DAZAP1: variants seen among roughly 807,000 people sequenced by gnomAD.
The protein encoded by DAZAP1 is DAZ-associated protein 1.
Under a neutral mutation model 60.1 loss-of-function variants are expected in DAZAP1, and 6 were observed. That is an observed-to-expected ratio of 0.10 (90% CI 0.05 to 0.20). DAZAP1 has a LOEUF of 0.20. Ranked by LOEUF, DAZAP1 falls within the 10% of genes least tolerant of loss-of-function variation. The probability of loss-of-function intolerance (pLI) is 1.00; values close to 1 mark genes in which losing one functional copy is unlikely to be tolerated. For missense variants in DAZAP1, 366 were observed against 560.4 expected, an observed-to-expected ratio of 0.65 and a Z score of 3.50; for synonymous variants, 235 against 215.9, an observed-to-expected ratio of 1.09 and a Z score of -0.78.
intron 8 of DAZAP1, among the ~76,000 whole-genome samples, chr19:1,429,304 G>A (rs542546888): frequency 8.5e-5 from 13 of 152,352 alleles, no homozygotes; most frequent in African/African-American, 2.9e-4. Flanking sequence ...GTCTGAGCAC[G>A]AAACCCTGAG....
At position 1,433,825 on chromosome 19, in the gene DAZAP1, T is replaced by G; in HGVS notation, c.1049-912T>G. The stretch of plus-strand genomic sequence containing the variant: ...GGTCAGGCTGAGCAGTGATGTGGCC[T>G]AGGTAGGTGCCGCCTCCTTCTCCAG... On this transcript the variant is annotated intron_variant, in intron 11 of 11. Transcript: ENST00000233078. The surrounding 1 kb of genome is among the most constrained non-coding windows in gnomAD (Gnocchi z 6.1). The G allele has an allele frequency of 6.2e-7, 1 of 1,613,586 alleles. No individual in the cohort carries two copies. The highest frequency in any genetic ancestry group is 8.5e-7 in the Non-Finnish European group (1 of 1,179,622).
chr19:1,430,245 G>A lies in DAZAP1; in HGVS notation c.754G>A (p.Gly252Arg). The change falls in exon 10 of 12, where the codon GGA (glycine) becomes AGA (arginine). Residue 252 changes from glycine (G) to arginine (R), a missense_variant. Coordinates refer to ENST00000233078, the MANE Select transcript of DAZAP1 (RefSeq NM_018959.4). ...AIGGYGPPPAGRGAPPPPPPF... is the reference protein window; with the variant it reads ...AIGGYGPPPARRGAPPPPPPF... ...AGGTGGCTATGGACCGCCCCCTGCA[G>A]GAAGAGGAGCCCCCCCGCCACCCCC... The A allele has an allele frequency of 6.5e-7, 1 of 1,537,064 alleles. No individual in the cohort carries two copies. Among genetic ancestry groups the A allele is most frequent in the Non-Finnish European group, 8.8e-7 (1 of 1,131,470 alleles).
chr19:1,417,801 C>T (rs558143982), intron 2 of DAZAP1, among the ~76,000 whole-genome samples: 1 of 152,284 alleles, frequency 6.6e-6, no homozygotes, highest in East Asian at 1.9e-4. Context: ...AGGCAGACAG[C>T]TGTTGTCTGG....
Position 1,428,702 on chromosome 19 carries a change from T to G in DAZAP1, c.547-140T>G. The G allele has an allele frequency of 9.5e-7, 1 of 1,054,642 alleles. No homozygotes were observed. Among genetic ancestry groups the G allele is most frequent in the Admixed American group, 2.6e-5 (1 of 37,756 alleles). The allele number at this position is 1,054,642 out of a possible 1,614,324, so 65.3% of individuals were successfully genotyped here. ...TTTTAAGAAAAAAATGCTACTGGCC[T>G]AAATAAGGTTTATAGTTAAGTATTT... On this transcript the variant is annotated intron_variant, in intron 7 of 11. Coordinates refer to ENST00000233078, the MANE Select transcript of DAZAP1 (RefSeq NM_018959.4). The surrounding 1 kb of genome is among the most constrained non-coding windows in gnomAD (Gnocchi z 4.0).
rs375781035 is a variant in DAZAP1 at position 1,434,921 on chromosome 19, G to T, written c.*9G>T. On this transcript the variant is annotated 3_prime_UTR_variant, in exon 12 of 12. Coordinates refer to ENST00000233078, the MANE Select transcript of DAZAP1 (RefSeq NM_018959.4). The surrounding 1 kb of genome is among the most constrained non-coding windows in gnomAD (Gnocchi z 8.0). ...ACCCCTACCGACGCTAGCCCGCGGC[G>T]CCGCGACGTCTGCACGGCCCAGACC... 9 of 1,412,470 alleles carry T rather than the reference G, an allele frequency of 6.4e-6. No individual in the cohort carries two copies. Among genetic ancestry groups the T allele is most frequent in the Non-Finnish European group, 8.3e-6 (9 of 1,078,166 alleles). The allele number at this position is 1,412,470 out of a possible 1,614,324, so 87.5% of individuals were successfully genotyped here.
chr19:1,411,916 TCCCC>T (rs2082841943), intron 1 of DAZAP1, among the ~76,000 whole-genome samples: 1 of 152,212 alleles, frequency 6.6e-6, no homozygotes, highest in African/African-American at 2.4e-5. Flanking sequence ...CCAGGCCTGG[TCCCC>T]GTGACACCAT....
intron 1 of DAZAP1, among the ~76,000 whole-genome samples, chr19:1,409,335 C>T (rs1001629921): frequency 6.6e-6 from 1 of 152,162 alleles, no homozygotes; most frequent in Non-Finnish European, 1.5e-5. Context: ...TGAACGTGGG[C>T]CCGCTCCACC....
In DAZAP1 at chr19:1,433,327, C is replaced by A. The variant is rs750838923; in HGVS notation, c.1048+637C>A. 8.0e-6 allele frequency: 2 copies of A among 249,956 alleles called. No individual in the cohort carries two copies. The highest frequency in any genetic ancestry group is 1.6e-5 in the Non-Finnish European group (2 of 125,104). 15.5% of individuals were successfully genotyped at this position (249,956 alleles called of 1,614,324 possible). On this transcript the variant is annotated intron_variant, in intron 11 of 11. Transcript: ENST00000233078. The surrounding 1 kb of genome is among the most constrained non-coding windows in gnomAD (Gnocchi z 6.1). ...TCACAGCAGCCTTGCTCAGGACCAACGCGGTGGCCTCAGTGGGCAGGGCTC... is the reference window on the plus strand; with the variant it reads ...TCACAGCAGCCTTGCTCAGGACCAAAGCGGTGGCCTCAGTGGGCAGGGCTC...
chr19:1,411,724 A>G lies in DAZAP1; in HGVS notation c.29+3922A>G, dbSNP rs142850105. Among the ~76,000 whole-genome samples the G allele has an allele frequency of 4.6e-3, 708 of 152,356 alleles. 6 individuals carry two copies. The highest frequency in any genetic ancestry group is 0.016 in the African/African-American group (678 of 41,582). On this transcript the variant is annotated intron_variant, in intron 1 of 11. Transcript: ENST00000233078. ...TTGGCTTTGCCAGAGAGACTGAGGC[A>G]CAGAGGAGTTGAGGGATGGGCCCGG...
Position 1,425,614 on chromosome 19 carries a change from G to C in DAZAP1, c.464-264G>C, listed in dbSNP as rs950100275. Among the ~76,000 whole-genome samples the C allele has an allele frequency of 6.6e-6, 1 of 152,192 alleles. No homozygotes were observed. Among genetic ancestry groups the C allele is most frequent in the African/African-American group, 2.4e-5 (1 of 41,440 alleles). Reference sequence around the variant, plus strand: ...TCTTTGTGACACGGAGCCCCAGCCCGGGGTGTCTGGGGCGGAGGCTTGACT... The same window carrying C: ...TCTTTGTGACACGGAGCCCCAGCCCCGGGTGTCTGGGGCGGAGGCTTGACT... On this transcript the variant is annotated intron_variant, in intron 6 of 11. Coordinates refer to ENST00000233078, the MANE Select transcript of DAZAP1 (RefSeq NM_018959.4). This position sits in a 1 kb window ranked among gnomAD's most constrained non-coding sequence, Gnocchi z 5.4.
At position 1,423,189 on chromosome 19, in the gene DAZAP1, G is replaced by A. The variant is rs919577441; in HGVS notation, c.463+793G>A. Among the ~76,000 whole-genome samples the A allele has an allele frequency of 5.3e-5, 8 of 152,216 alleles. No homozygotes were observed. Among genetic ancestry groups the A allele is most frequent in the African/African-American group, 1.9e-4 (8 of 41,452 alleles). On this transcript the variant is annotated intron_variant, in intron 6 of 11. Transcript: ENST00000233078. The surrounding 1 kb of genome is among the most constrained non-coding windows in gnomAD (Gnocchi z 6.8). ...GCAGCCCCGAGCGCCAGGTGGCGCCGCAGCATGCCCACCATGCTGGAGCAT... is the reference window on the plus strand; with the variant it reads ...GCAGCCCCGAGCGCCAGGTGGCGCCACAGCATGCCCACCATGCTGGAGCAT...
chr19:1,428,722 G>T lies in DAZAP1; in HGVS notation c.547-120G>T. The stretch of plus-strand genomic sequence containing the variant: ...TGGCCTAAATAAGGTTTATAGTTAA[G>T]TATTTAGTCTTAAGTTGTAAGATGC... On this transcript the variant is annotated intron_variant, in intron 7 of 11. Coordinates refer to ENST00000233078, the MANE Select transcript of DAZAP1 (RefSeq NM_018959.4). This position sits in a 1 kb window ranked among gnomAD's most constrained non-coding sequence, Gnocchi z 4.0. 2 of 1,178,536 alleles carry T rather than the reference G, an allele frequency of 1.7e-6. No homozygotes were observed. The highest frequency in any genetic ancestry group is 2.4e-6 in the Non-Finnish European group (2 of 831,326). 73.0% of individuals were successfully genotyped at this position (1,178,536 alleles called of 1,614,324 possible). A position where few individuals can be genotyped will look rare whatever the true frequency, so the allele number is the denominator to read the frequency against.
At chr19:1,421,302 C>T (rs2083148915) in intron 5 of DAZAP1, 44 bp downstream of exon 5, 1 of 1,575,352 alleles carries the variant, frequency 6.3e-7, no homozygotes. Flanking sequence ...GACAGAGCCG[C>T]TTCTGCTCAG....
In DAZAP1 at chr19:1,428,435, G is replaced by C. The variant is rs1186496847; in HGVS notation, c.547-407G>C. ...AGGTGGGCGGGCTCCAAGCAGTCCA[G>C]AGGGCGATGAGGATGCCGATTGCTG... is the stretch of plus-strand genomic sequence containing the variant. On this transcript the variant is annotated intron_variant, in intron 7 of 11. Transcript: ENST00000233078. The surrounding 1 kb of genome is among the most constrained non-coding windows in gnomAD (Gnocchi z 4.0). 5.7e-6 allele frequency: 1 copy of C among 174,740 alleles called. No individual in the cohort carries two copies. Among genetic ancestry groups the C allele is most frequent in the African/African-American group, 2.4e-5 (1 of 41,666 alleles). 10.8% of individuals were successfully genotyped at this position (174,740 alleles called of 1,614,324 possible). A position where few individuals can be genotyped will look rare whatever the true frequency, so the allele number is the denominator to read the frequency against.
intron 8 of DAZAP1, 55 bp from the exon 9 acceptor site, chr19:1,429,912 G>C: frequency 1.9e-6 from 3 of 1,551,758 alleles, no homozygotes; most frequent in Non-Finnish European, 2.6e-6. Flanking sequence ...CTCCTTCTCT[G>C]CGTCGGACAG....
chr19:1,417,469 T>C (rs1478982505), intron 1 of DAZAP1, 31 bp from the exon 2 acceptor site: 1 of 1,590,984 alleles, frequency 6.3e-7, no homozygotes, highest in South Asian at 1.1e-5. Context: ...AGCGCTGTCT[T>C]GATCCTGAAT....
chr19:1,410,858 T>C (rs1600179589), intron 1 of DAZAP1, among the ~76,000 whole-genome samples: 1 of 152,168 alleles, frequency 6.6e-6, no homozygotes, highest in East Asian at 1.9e-4. Flanking sequence ...CTGGAAATAT[T>C]GTAGGAAAGT....
At chr19:1,411,943 G>C (rs984912673) in intron 1 of DAZAP1, among the ~76,000 whole-genome samples, 1 of 152,256 alleles carries the variant, frequency 6.6e-6, no homozygotes, top group Non-Finnish European at 1.5e-5. Context: ...CATGATGTCA[G>C]AATCCCTGAG....
chr19:1,409,076 A>G (rs2082750591), intron 1 of DAZAP1, among the ~76,000 whole-genome samples: 1 of 152,178 alleles, frequency 6.6e-6, no homozygotes, highest in Admixed American at 6.5e-5. Flanking sequence ...CCCTCCCCAG[A>G]CAAAACAAAA....
Sources: allele counts gnomAD v4.1 joint callset (sites outside exome capture counted in the v4.1 genomes callset), GRCh38; gene constraint gnomAD v4.1.1; non-coding constraint Gnocchi (gnomAD v3.1); transcripts MANE v1.5; gene names NCBI Gene and HGNC (gene_info 2026-07-23, HGNC 2026-07-21).